The following GEN1 variants were observed in gnomAD, a reference collection of about 807,000 sequenced individuals.
The protein encoded by GEN1 is flap endonuclease GEN homolog 1.
A neutral mutation model predicts 67.6 loss-of-function variants in GEN1; 64 were observed. The ratio of observed to expected loss-of-function variants is 0.95; its 90% CI spans 0.77 to 1.17. The LOEUF is 1.17. Ranked by LOEUF, GEN1 falls within the 50% of genes most tolerant of loss-of-function variation. GEN1 has a pLI of 0.00. For synonymous variants in GEN1, 371 were observed against 359.4 expected, an observed-to-expected ratio of 1.03 and a Z score of -0.37; for missense variants, 1,058 against 1,048.3, an observed-to-expected ratio of 1.01 and a Z score of -0.13.
In GEN1 at chr2:17,784,876, C is replaced by T. The variant is rs1313979089; in HGVS notation, c.*2937C>T. The T allele has an allele frequency of 6.6e-6, 1 of 152,152 alleles. No homozygotes were observed. The highest frequency in any genetic ancestry group is 2.4e-5 in the African/African-American group (1 of 41,410). The allele number at this position is 152,152 out of a possible 1,614,324, so 9.4% of individuals were successfully genotyped here. ...GAGTGGCCAGTCTGAGTTCATTTTG[C>T]TATATAGCTCAGGAGTCCCCAACCC... On this transcript the variant is annotated 3_prime_UTR_variant, in exon 14 of 14. Transcript: ENST00000381254.
intron 10 of GEN1, among the ~76,000 whole-genome samples, chr2:17,773,962 A>G (rs926103610): frequency 2.6e-5 from 4 of 152,008 alleles, no homozygotes; most frequent in African/African-American, 9.7e-5. Context: ...ATGTAATCTC[A>G]ATCTTTGTAA....
intron 8 of GEN1, 70 bp from the exon 9 acceptor site, chr2:17,773,026 T>G: frequency 9.9e-7 from 1 of 1,009,552 alleles, no homozygotes; most frequent in Non-Finnish European, 1.5e-6. Flanking sequence ...GGGAGGAGAT[T>G]GGCTGAGATG....
At position 17,783,735 on chromosome 2, in the gene GEN1, A is replaced by C. The variant is rs1672950409; in HGVS notation, c.*1796A>C. ...GATTTTAAACCAGAGTGCCAAGACA[A>C]TTCAATGGGAAAAGGAAACAGTCTT... On this transcript the variant is annotated 3_prime_UTR_variant, in exon 14 of 14. Coordinates refer to ENST00000381254, the MANE Select transcript of GEN1 (RefSeq NM_001130009.3). 1 of 152,234 alleles carries C rather than the reference A, an allele frequency of 6.6e-6. No individual in the cohort carries two copies. The highest frequency in any genetic ancestry group is 1.5e-5 in the Non-Finnish European group (1 of 68,038). The allele number at this position is 152,234 out of a possible 1,614,324, so 9.4% of individuals were successfully genotyped here.
At position 17,781,375 on chromosome 2, in the gene GEN1, G is replaced by A. The variant is rs1672825469; in HGVS notation, c.2163G>A (p.Lys721=). 1.2e-6 allele frequency: 2 copies of A among 1,613,704 alleles called. No individual in the cohort carries two copies. The highest frequency in any genetic ancestry group is 1.3e-5 in the African/African-American group (1 of 74,908). ...CTGATTGTACATCACATCTTTCAAA[G>A]GATCTTCCAGGAATTCCCTTGCAAA... The part of the protein sequence containing the change: ...SGSDCTSHLS[K]DLPGIPLQNE... Residue 721 remains lysine (K), a synonymous_variant, in exon 14 of 14, where the codon AAG becomes AAA. Transcript: ENST00000381254.
intron 1 of GEN1, chr2:17,755,625 AATAT>A (rs1365847418): frequency 1.3e-5 from 2 of 152,228 alleles, no homozygotes; most frequent in Non-Finnish European, 2.9e-5. Context: ...TCTTTATATG[AATAT>A]ATACTCATCT....
chr2:17,757,017 A>G (rs899134962), intron 1 of GEN1, among the ~76,000 whole-genome samples: 1 of 152,218 alleles, frequency 6.6e-6, no homozygotes, highest in Non-Finnish European at 1.5e-5. Context: ...CGTTCTTAAA[A>G]TATTATGATG....
chr2:17,778,231 T>TATGTGTGTACATATATGTATACACAC (rs1672570893), intron 12 of GEN1, among the ~76,000 whole-genome samples, 168 bp downstream of exon 12: 1 of 146,796 alleles, frequency 6.8e-6, no homozygotes, highest in African/African-American at 2.6e-5. Context: ...CACACACATA[T>TATGTGTGTACATATATGTATACACAC]ATGTGTGTAC....
At chr2:17,763,868 C>G (rs1449764887) in intron 3 of GEN1, among the ~76,000 whole-genome samples, 1 of 152,224 alleles carries the variant, frequency 6.6e-6, no homozygotes, top group Non-Finnish European at 1.5e-5. Flanking sequence ...TGGGCAACAT[C>G]TGACAGTGGT....
chr2:17,757,290 A>G (rs974829902), intron 1 of GEN1, among the ~76,000 whole-genome samples: 7 of 149,232 alleles, frequency 4.7e-5, no homozygotes. Context: ...TGTTAATAAT[A>G]TATTTAATTA....
In GEN1 at chr2:17,773,208, T is replaced by C. The variant is rs1672274852; in HGVS notation, c.991-11T>C. 1 of 1,588,600 alleles carries C rather than the reference T, an allele frequency of 6.3e-7. No homozygotes were observed. On this transcript the variant is annotated splice_polypyrimidine_tract_variant and intron_variant, in intron 9 of 13. Transcript: ENST00000381254. ...TTAAATCTCAGTTTCTATTTTCTTT[T>C]TTCTTGCTAGGTTATTCAAGAATTC...
intron 2 of GEN1, among the ~76,000 whole-genome samples, chr2:17,760,646 G>A (rs550032079): frequency 1.3e-5 from 2 of 152,338 alleles, no homozygotes; most frequent in South Asian, 2.1e-4. Flanking sequence ...GTTTGGCCGC[G>A]TGCAGTGGCT....
Position 17,781,554 on chromosome 2 carries a change from T to G in GEN1, c.2342T>G (p.Val781Gly). The change falls in exon 14 of 14, where the codon GTT (valine) becomes GGT (glycine). Residue 781 changes from valine to glycine, a missense_variant. Coordinates refer to ENST00000381254, the MANE Select transcript of GEN1 (RefSeq NM_001130009.3). ...ACTGCTTTAGATCATAGTAGAAAAG[T>G]TGATATGCAAACCACTCGGAAAATT... ...PNTALDHSRK[V>G]DMQTTRKILM... 6.2e-7 allele frequency: 1 copy of G among 1,613,936 alleles called. No individual in the cohort carries two copies. Among genetic ancestry groups the G allele is most frequent in the Non-Finnish European group, 8.5e-7 (1 of 1,179,946 alleles).
intron 4 of GEN1, among the ~76,000 whole-genome samples, chr2:17,765,571 G>A (rs768822945): frequency 1.3e-5 from 2 of 152,200 alleles, no homozygotes; most frequent in Admixed American, 6.5e-5. Context: ...AACAGTTCAG[G>A]CTTGGGCAAA....
chr2:17,777,977 T>G (rs1451974361), intron 11 of GEN1, 25 bp from the exon 12 acceptor site: 1 of 1,351,808 alleles, frequency 7.4e-7, no homozygotes, highest in East Asian at 2.3e-5. Flanking sequence ...GCAATTAGAC[T>G]TCATTAAATG....
intron 5 of GEN1, 131 bp from the exon 6 acceptor site, chr2:17,768,607 C>T: frequency 3.1e-6 from 2 of 640,282 alleles, no homozygotes; most frequent in Non-Finnish European, 2.8e-6. Context: ...GTGTATCTTG[C>T]ATATCTTTTC....
chr2:17,775,345 A>C (rs1168108715), intron 11 of GEN1, among the ~76,000 whole-genome samples: 3 of 152,220 alleles, frequency 2.0e-5, no homozygotes, highest in Non-Finnish European at 4.4e-5. Flanking sequence ...ATCAAGTCAC[A>C]CAGAAATGAT....
chr2:17,777,219 CAG>C (rs1429156368), intron 11 of GEN1, among the ~76,000 whole-genome samples: 3 of 151,892 alleles, frequency 2.0e-5, no homozygotes, highest in Admixed American at 1.3e-4. Context: ...TTACAAGAAA[CAG>C]TGGTCAGCCC....
In GEN1 at chr2:17,781,686, A is replaced by G. The variant is rs545667386; in HGVS notation, c.2474A>G (p.Gln825Arg). The G allele has an allele frequency of 1.2e-6, 2 of 1,613,896 alleles. No individual in the cohort carries two copies. Among genetic ancestry groups the G allele is most frequent in the East Asian group, 4.5e-5 (2 of 44,854 alleles). Residue 825 changes from glutamine (Q) to arginine (R), a missense_variant, in exon 14 of 14, where the codon CAA (glutamine) becomes CGA (arginine). Transcript: ENST00000381254. ...YTTQRMKHSS[Q>R]KHNSSHFKES... ...ACTCAAAGAATGAAGCACAGTTCTC[A>G]AAAGCATAATTCATCCCATTTCAAA...
In GEN1 at chr2:17,778,399, T is replaced by C. The variant is rs1314572019; in HGVS notation, c.1264+336T>C. ...ACACATATATGTGTGTACATATATG[T>C]ATATACACACATATATGTGTGTACA... On this transcript the variant is annotated intron_variant, in intron 12 of 13. Transcript: ENST00000381254. Among the ~76,000 whole-genome samples the C allele has an allele frequency of 3.4e-4, 8 of 23,512 alleles. 3 individuals are homozygous for C. Among genetic ancestry groups the C allele is most frequent in the Non-Finnish European group, 8.9e-4 (8 of 8,986 alleles). The allele number at this position is 23,512 out of a possible 152,430, so 15.4% of individuals were successfully genotyped here.
Sources: gnomAD v4.1 joint callset for allele counts (sites outside exome capture counted in the v4.1 genomes callset) on GRCh38, gnomAD v4.1.1 for gene constraint, MANE v1.5 for transcripts, NCBI Gene and HGNC (gene_info 2026-07-23, HGNC 2026-07-21) for gene names.